NEK6: variants seen among roughly 807,000 people sequenced by gnomAD.
The protein encoded by NEK6 is NIMA related kinase 6.
Under a neutral mutation model 43.5 loss-of-function variants are expected in NEK6, and 27 were observed. That is an observed-to-expected ratio of 0.62 (90% confidence interval 0.46 to 0.86). The LOEUF (loss-of-function observed/expected upper bound fraction) is 0.86. Among genes scored for constraint, NEK6 ranks in the 40% least tolerant of loss-of-function variants. The probability of loss-of-function intolerance (pLI) is 0.00; values close to 1 mark genes in which losing one functional copy is unlikely to be tolerated. For synonymous variants in NEK6, 167 were observed against 164.1 expected (o/e 1.02, Z -0.14); for missense variants, 318 against 414.4 (o/e 0.77, Z 2.02).
intron 2 of NEK6, among the ~76,000 whole-genome samples, chr9:124,310,480 G>A (rs866676445): frequency 2.0e-5 from 3 of 152,210 alleles, no homozygotes; most frequent in South Asian, 2.1e-4. Flanking sequence ...ATTAGGCCTC[G>A]AGGCTTCAAA....
intron 4 of NEK6, among the ~76,000 whole-genome samples, chr9:124,317,555 G>T (rs945210492): frequency 1.3e-5 from 2 of 152,072 alleles, no homozygotes; most frequent in Non-Finnish European, 2.9e-5. Context: ...AGATTCAGAG[G>T]GTACACATGC....
At chr9:124,291,595 C>T (rs775191455) in intron 1 of NEK6, among the ~76,000 whole-genome samples, 8 of 152,190 alleles carry the variant, frequency 5.3e-5, no homozygotes, top group Non-Finnish European at 7.3e-5. Flanking sequence ...TGCTGTACTC[C>T]AGCCTGGGCA....
At chr9:124,323,147 C>T (rs1284381653) in intron 5 of NEK6, among the ~76,000 whole-genome samples, 4 of 152,224 alleles carry the variant, frequency 2.6e-5, no homozygotes, top group Admixed American at 6.5e-5. Flanking sequence ...ATCCCAGATT[C>T]TAACAGGAAA....
At chr9:124,292,576 C>A in intron 1 of NEK6, 1 of 1,536,202 alleles carries the variant, frequency 6.5e-7, no homozygotes, top group Admixed American at 2.0e-5. Flanking sequence ...CTCCAGCCCC[C>A]GGGGCTGTTC....
At chr9:124,341,574 T>C (rs1296371624) in intron 8 of NEK6, among the ~76,000 whole-genome samples, 1 of 152,098 alleles carries the variant, frequency 6.6e-6, no homozygotes, top group African/African-American at 2.4e-5. Flanking sequence ...GAGGAGCTCT[T>C]TGAATGAGGA....
At chr9:124,258,343 G>A in intron 1 of NEK6, 1 of 985,174 alleles carries the variant, frequency 1.0e-6, no homozygotes, top group Non-Finnish European at 1.2e-6. Context: ...ACCCCGGAGC[G>A]TCTGGTGGCG....
At chr9:124,272,506 G>A (rs987256123) in intron 1 of NEK6, among the ~76,000 whole-genome samples, 2 of 152,258 alleles carry the variant, frequency 1.3e-5, no homozygotes, top group Non-Finnish European at 2.9e-5. Flanking sequence ...TTCCATTAAA[G>A]GGCAATCCCT....
intron 1 of NEK6, among the ~76,000 whole-genome samples, chr9:124,290,187 C>T (rs1271685820): frequency 6.6e-5 from 10 of 152,210 alleles, no homozygotes; most frequent in Non-Finnish European, 5.9e-5. Flanking sequence ...GCTGGGGGCT[C>T]ACGGTGACTC....
chr9:124,264,214 G>A (rs957728208), intron 1 of NEK6, among the ~76,000 whole-genome samples: 2 of 152,242 alleles, frequency 1.3e-5, no homozygotes, highest in Non-Finnish European at 2.9e-5. Context: ...CTTGTCCTCC[G>A]GAAGTGGCTA....
intron 4 of NEK6, 25 bp from the exon 5 acceptor site, chr9:124,321,434 C>G (rs1448858413): frequency 1.0e-5 from 15 of 1,491,998 alleles, no homozygotes; most frequent in Non-Finnish European, 1.3e-5. Flanking sequence ...TTGGTGCCCC[C>G]TTCCCTCTTT....
rs142492940 is a variant in NEK6 at position 124,319,611 on chromosome 9, A to G, written c.295-1848A>G. ...GGTCTTACATTTAAGTCTTCAATCA[A>G]TCTTGATTTAATTTTTACACATGGT... On this transcript the variant is annotated intron_variant, in intron 4 of 9. Coordinates refer to ENST00000320246, the MANE Select transcript of NEK6 (RefSeq NM_014397.6). 8.5e-5 allele frequency among the ~76,000 whole-genome samples: 13 copies of G among 152,330 alleles called. No homozygotes were observed. In the East Asian group the frequency reaches 1.7e-3, roughly 20 times the overall value.
At chr9:124,287,049 C>T (rs919042848) in intron 1 of NEK6, among the ~76,000 whole-genome samples, 1 of 152,174 alleles carries the variant, frequency 6.6e-6, no homozygotes, top group Non-Finnish European at 1.5e-5. Flanking sequence ...GCCCCCCTGG[C>T]TGCGGGGGAC....
intron 9 of NEK6, among the ~76,000 whole-genome samples, chr9:124,350,501 GACACACACACAC>G (rs55896623): frequency 5.3e-5 from 8 of 150,710 alleles, no homozygotes; most frequent in African/African-American, 1.5e-4. Context: ...ACTGACAGCA[GACACACACACAC>G]ACACACACAC....
chr9:124,328,841 C>G lies in NEK6; in HGVS notation c.622+1396C>G, dbSNP rs569400863. On this transcript the variant is annotated intron_variant, in intron 7 of 9. Coordinates refer to ENST00000320246, the MANE Select transcript of NEK6 (RefSeq NM_014397.6). ...GAGGGGGTTGTTTTGAAACTCTTGT[C>G]CCCACCTGGCCAGGCCTCAGGAGCT... Among the ~76,000 whole-genome samples, 9 of 152,292 alleles carry G rather than the reference C, an allele frequency of 5.9e-5. No individual in the cohort carries two copies. In the East Asian group the frequency reaches 1.4e-3, roughly 23 times the overall value.
chr9:124,311,251 C>T (rs1045098079), intron 2 of NEK6, among the ~76,000 whole-genome samples: 1 of 152,202 alleles, frequency 6.6e-6, no homozygotes, highest in Non-Finnish European at 1.5e-5. Flanking sequence ...TCAGTGTGAC[C>T]CTCACCAAAG....
intron 1 of NEK6, among the ~76,000 whole-genome samples, chr9:124,289,186 G>A (rs1031588203): frequency 3.0e-4 from 3 of 10,082 alleles, no homozygotes; most frequent in African/African-American, 1.0e-3. Flanking sequence ...GCCCCCCCCC[G>A]CCACACACAC....
chr9:124,281,978 G>T (rs1831933668), intron 1 of NEK6, among the ~76,000 whole-genome samples: 1 of 152,196 alleles, frequency 6.6e-6, no homozygotes, highest in Non-Finnish European at 1.5e-5. Flanking sequence ...TGGAGCCCGG[G>T]GCAGACTTTG....
chr9:124,297,676 TTGCA>T (rs1453365581), intron 1 of NEK6, among the ~76,000 whole-genome samples: 3 of 152,234 alleles, frequency 2.0e-5, no homozygotes, highest in Non-Finnish European at 4.4e-5. Flanking sequence ...GCTCTGGGTC[TTGCA>T]TTCCATGGAT....
At chr9:124,300,226 A>C (rs1332461530) in intron 1 of NEK6, 1 of 152,122 alleles carries the variant, frequency 6.6e-6, no homozygotes, top group African/African-American at 2.4e-5. Flanking sequence ...GGAGCCTGAG[A>C]GGTCTGGTCG....
Sources: allele counts gnomAD v4.1 joint callset (sites outside exome capture counted in the v4.1 genomes callset), GRCh38; gene constraint gnomAD v4.1.1; transcripts MANE v1.5; gene names NCBI Gene and HGNC (gene_info 2026-07-23, HGNC 2026-07-21).